Variants in LRRC75A observed in about 807,000 individuals in gnomAD.
LRRC75A encodes leucine-rich repeat-containing protein 75A.
Under a neutral mutation model 26.0 loss-of-function variants are expected in LRRC75A, and 12 were observed. The ratio of observed to expected loss-of-function variants is 0.46; its 90% CI spans 0.30 to 0.75. The LOEUF (loss-of-function observed/expected upper bound fraction) is 0.75. LRRC75A is among the 30% of genes least tolerant of loss of function. LRRC75A has a pLI of 0.08. For missense variants in LRRC75A, 410 were observed against 486.6 expected (o/e 0.84, Z 1.48); for synonymous variants, 223 against 219.3 (o/e 1.02, Z -0.15).
In LRRC75A at chr17:16,443,651, G is replaced by GC; in HGVS notation, c.971dup (p.Val326CysfsTer9). 1.3e-6 allele frequency: 2 copies of GC among 1,562,678 alleles called. No homozygotes were observed. Among genetic ancestry groups the GC allele is most frequent in the South Asian group, 1.2e-5 (1 of 86,294 alleles). On this transcript the variant is annotated frameshift_variant, in exon 4 of 4. Transcript: ENST00000470794. LOFTEE classifies it high-confidence loss of function. ...GGTGGTCTTCGGCAGGTGCCACAGG[G>GC]CCCCCTCCAGGGTCCTCCTGGCCTA... is the stretch of plus-strand genomic sequence containing the variant.
intron 1 of LRRC75A, among the ~76,000 whole-genome samples, chr17:16,489,874 C>G (rs945945055): frequency 1.1e-4 from 16 of 152,270 alleles, no homozygotes; most frequent in African/African-American, 3.4e-4. Context: ...TCCCACCCCC[C>G]CATCAGCCCT....
chr17:16,454,436 A>G (rs1374367740), intron 2 of LRRC75A, among the ~76,000 whole-genome samples: 1 of 151,378 alleles, frequency 6.6e-6, no homozygotes, highest in African/African-American at 2.4e-5. Flanking sequence ...TCATGCCTGT[A>G]ATCCCAGCAC....
At chr17:16,477,315 A>C (rs1383959368) in intron 1 of LRRC75A, among the ~76,000 whole-genome samples, 2 of 152,232 alleles carry the variant, frequency 1.3e-5, no homozygotes, top group Non-Finnish European at 2.9e-5. Flanking sequence ...CGTCTTCACC[A>C]CTTTAAATCT....
At chr17:16,446,940 T>TG (rs757789759) in intron 3 of LRRC75A, 4 of 206,728 alleles carry the variant, frequency 1.9e-5, no homozygotes, top group South Asian at 8.1e-5. Flanking sequence ...TGGGTGGGGG[T>TG]GGGGGGCGGG....
intron 2 of LRRC75A, among the ~76,000 whole-genome samples, chr17:16,452,683 C>T (rs2093642766): frequency 6.6e-6 from 1 of 152,092 alleles, no homozygotes; most frequent in African/African-American, 2.4e-5. Context: ...ATCTGCCCGC[C>T]TCAGCCTCCT....
chr17:16,465,138 C>T (rs1166606381), intron 1 of LRRC75A, among the ~76,000 whole-genome samples: 1 of 152,218 alleles, frequency 6.6e-6, no homozygotes, highest in Non-Finnish European at 1.5e-5. Context: ...TGGGCTGCTC[C>T]TCTGTGGTTG....
At chr17:16,445,305 A>G (rs1359592485) in intron 3 of LRRC75A, among the ~76,000 whole-genome samples, 1 of 151,290 alleles carries the variant, frequency 6.6e-6, no homozygotes, top group African/African-American at 2.4e-5. Context: ...AGCTGGGACT[A>G]CAGGTGTGTG....
At chr17:16,485,326 G>A (rs896137209) in intron 1 of LRRC75A, among the ~76,000 whole-genome samples, 17 of 152,246 alleles carry the variant, frequency 1.1e-4, no homozygotes, top group African/African-American at 2.9e-4. Context: ...TGGGGCCTAC[G>A]GGAGGTGATT....
chr17:16,450,961 A>C (rs2093626316), intron 2 of LRRC75A, among the ~76,000 whole-genome samples: 1 of 152,122 alleles, frequency 6.6e-6, no homozygotes, highest in South Asian at 2.1e-4. Context: ...GTGAGAAGGC[A>C]GGAGGGGGGT....
In LRRC75A at chr17:16,456,267, GGAGGAGGAGGAA is replaced by G. The variant is rs765078950; in HGVS notation, c.375+5979_375+5990del. 7.2e-4 allele frequency among the ~76,000 whole-genome samples: 89 copies of G among 124,192 alleles called. 4 individuals are homozygous for G. In the South Asian group the frequency reaches 8.6e-3, roughly 12 times the overall value. 81.5% of individuals were successfully genotyped at this position (124,192 alleles called of 152,430 possible). A position where few individuals can be genotyped will look rare whatever the true frequency, so the allele number is the denominator to read the frequency against. ...AGAAGAAGGAAGAGGATCAGGAAGA[GGAGGAGGAGGAA>G]GAGGAGGAGGAAGAGAAGGAAGAGG... On this transcript the variant is annotated intron_variant, in intron 2 of 3. Transcript: ENST00000470794.
rs1265897127 is a variant in LRRC75A, at chr17:16,462,384, G to A, written c.249C>T (p.Asp83=). The change falls in exon 2 of 4, where the codon GAC becomes GAT. Residue 83 remains aspartate (D), a splice_region_variant and synonymous_variant. Coordinates refer to ENST00000470794, the MANE Select transcript of LRRC75A (RefSeq NM_001113567.3). This position sits in a 1 kb window ranked among gnomAD's most constrained non-coding sequence, Gnocchi z 4.6. ...AGTLLQHLRQ[D]LGMESTSLDD... ...CTAGCGAGGTCGACTCCATGCCCAG[G>A]TCCTGCAAGAGCAAAGGATGCCCAG... is the stretch of plus-strand genomic sequence containing the variant. 6 of 1,613,976 alleles carry A rather than the reference G, an allele frequency of 3.7e-6. No individual in the cohort carries two copies. Among genetic ancestry groups the A allele is most frequent in the South Asian group, 1.1e-5 (1 of 91,082 alleles).
intron 3 of LRRC75A, among the ~76,000 whole-genome samples, chr17:16,444,945 C>T (rs2093569016): frequency 6.7e-6 from 1 of 150,232 alleles, no homozygotes; most frequent in Non-Finnish European, 1.5e-5. Flanking sequence ...GCCTCCCGGG[C>T]TCAAGTGATT....
chr17:16,448,814 A>G (rs2093607688), intron 2 of LRRC75A, among the ~76,000 whole-genome samples: 1 of 152,216 alleles, frequency 6.6e-6, no homozygotes, highest in Non-Finnish European at 1.5e-5. Flanking sequence ...AGAGCCTCAG[A>G]AGGAAACCCA....
intron 2 of LRRC75A, among the ~76,000 whole-genome samples, chr17:16,458,441 G>A (rs1003409578): frequency 2.6e-5 from 4 of 152,150 alleles, no homozygotes; most frequent in African/African-American, 9.7e-5. Flanking sequence ...CAGGGCGAGT[G>A]TGCCGCCTTG....
chr17:16,481,581 G>A (rs1055796096), intron 1 of LRRC75A, among the ~76,000 whole-genome samples: 4 of 152,138 alleles, frequency 2.6e-5, no homozygotes, highest in Non-Finnish European at 4.4e-5. Context: ...GGCCCCGGCA[G>A]GTGCACTGCA....
chr17:16,474,268 C>T (rs981003486), intron 1 of LRRC75A, among the ~76,000 whole-genome samples: 1 of 152,186 alleles, frequency 6.6e-6, no homozygotes, highest in Non-Finnish European at 1.5e-5. Flanking sequence ...GAGAAGGTTG[C>T]ACCAGCTCAT....
At chr17:16,464,589 G>A (rs2093753730) in intron 1 of LRRC75A, among the ~76,000 whole-genome samples, 1 of 152,170 alleles carries the variant, frequency 6.6e-6, no homozygotes, top group Admixed American at 6.5e-5. Flanking sequence ...CTCCTCCCTG[G>A]AAGGCCCGTC....
rs145204474 is a variant in LRRC75A, at chr17:16,491,146, T to C, written c.246+599A>G. ...GCACCAAATCCAGCTCCCCTGTCTC[T>C]ACCGCTTTCCGCAGGGGCTCATGGT... On this transcript the variant is annotated intron_variant, in intron 1 of 3. Coordinates refer to ENST00000470794, the MANE Select transcript of LRRC75A (RefSeq NM_001113567.3). This position sits in a 1 kb window ranked among gnomAD's most constrained non-coding sequence, Gnocchi z 5.9. Among the ~76,000 whole-genome samples the C allele has an allele frequency of 5.3e-4, 81 of 152,370 alleles. No individual in the cohort carries two copies. The highest frequency in any genetic ancestry group is 1.9e-3 in the African/African-American group (79 of 41,588).
chr17:16,490,031 C>T (rs2093854238), intron 1 of LRRC75A, among the ~76,000 whole-genome samples: 1 of 152,174 alleles, frequency 6.6e-6, no homozygotes. Flanking sequence ...GCTCAGTGTC[C>T]CCAGGATGTG....
Sources: gnomAD v4.1 joint callset for allele counts (sites outside exome capture counted in the v4.1 genomes callset) on GRCh38, gnomAD v4.1.1 for gene constraint, Gnocchi (gnomAD v3.1) non-coding constraint, MANE v1.5 for transcripts, NCBI Gene and HGNC (gene_info 2026-07-23, HGNC 2026-07-21) for gene names.